NUP160: variants seen among roughly 807,000 people sequenced by gnomAD.
The protein encoded by NUP160 is nucleoporin 160.
In NUP160, 94 loss-of-function variants were observed where a neutral mutation model predicts 196.9. The observed-to-expected ratio is 0.48, with a 90% CI of 0.40 to 0.57. NUP160 has a LOEUF of 0.57. Ranked by LOEUF, NUP160 falls within the 20% of genes least tolerant of loss-of-function variation. The probability of loss-of-function intolerance (pLI) is 0.00; values close to 1 mark genes in which losing one functional copy is unlikely to be tolerated. For missense variants in NUP160, 1,638 were observed against 1,748.3 expected, an observed-to-expected ratio of 0.94 and a Z score of 1.13; for synonymous variants, 605 against 619.7, an observed-to-expected ratio of 0.98 and a Z score of 0.35.
intron 28 of NUP160, chr11:47,792,487 T>C: frequency 3.4e-6 from 1 of 290,012 alleles, no homozygotes; most frequent in Non-Finnish European, 6.4e-6. Context: ...AAAGTAGATA[T>C]TATCCGTATT....
intron 15 of NUP160, 28 bp from the exon 16 acceptor site, chr11:47,812,457 T>C: frequency 6.2e-7 from 1 of 1,601,014 alleles, no homozygotes; most frequent in Non-Finnish European, 8.5e-7. Context: ...AAACTCTTAT[T>C]ACTACCGAGA....
intron 11 of NUP160, among the ~76,000 whole-genome samples, chr11:47,816,341 A>T (rs2097684456): frequency 6.6e-6 from 1 of 152,256 alleles, no homozygotes; most frequent in African/African-American, 2.4e-5. Flanking sequence ...AGACAATTAA[A>T]GGCTGAATAA....
chr11:47,793,081 G>A (rs555295435), intron 27 of NUP160, 135 bp from the exon 28 acceptor site: 6 of 599,544 alleles, frequency 1.0e-5, no homozygotes, highest in Non-Finnish European at 1.4e-5. Flanking sequence ...CCGCCTCCCT[G>A]GTTCAAGCGA....
chr11:47,798,337 A>C, intron 24 of NUP160, 31 bp downstream of exon 24: 1 of 1,569,264 alleles, frequency 6.4e-7, no homozygotes, highest in Non-Finnish European at 8.8e-7. Context: ...CAAACCTTAA[A>C]GAAAACAACC....
intron 19 of NUP160, among the ~76,000 whole-genome samples, 162 bp downstream of exon 19, chr11:47,806,908 C>A (rs2097678092): frequency 6.6e-6 from 1 of 150,800 alleles, no homozygotes; most frequent in African/African-American, 2.4e-5. Flanking sequence ...TTTCACAGAC[C>A]CCATGCCACA....
chr11:47,796,209 A>G, intron 27 of NUP160: 2 of 464,974 alleles, frequency 4.3e-6, no homozygotes, highest in Non-Finnish European at 7.9e-6. Context: ...CAGGAAGGTG[A>G]GATCTTCCAC....
At chr11:47,822,262 T>A (rs1030847192) in intron 7 of NUP160, 98 bp from the exon 8 acceptor site, 243 of 341,144 alleles carry the variant, frequency 7.1e-4, no homozygotes, top group Non-Finnish European at 9.6e-4. Flanking sequence ...TAAAAAAAAA[T>A]TTTTTTTTTT....
At chr11:47,800,252 G>GAA (rs1231813653) in intron 23 of NUP160, among the ~76,000 whole-genome samples, 2 of 140,506 alleles carry the variant, frequency 1.4e-5, no homozygotes, top group Admixed American at 7.1e-5. Flanking sequence ...AAAAAAAAAG[G>GAA]AAAAAAAAAA....
intron 34 of NUP160, among the ~76,000 whole-genome samples, chr11:47,782,023 G>GT (rs1229362560): frequency 6.6e-6 from 1 of 151,970 alleles, no homozygotes; most frequent in Admixed American, 6.6e-5. Flanking sequence ...GCTCACATGG[G>GT]TAATCCCAGC....
At chr11:47,793,650 G>A (rs2097669134) in intron 27 of NUP160, among the ~76,000 whole-genome samples, 1 of 149,130 alleles carries the variant, frequency 6.7e-6, no homozygotes, top group African/African-American at 2.5e-5. Flanking sequence ...CAATCCAAGT[G>A]TCCATTGATG....
At chr11:47,803,451 C>T in exon 22 of NUP160, 1 of 1,601,252 alleles carries the variant, frequency 6.2e-7, no homozygotes, top group South Asian at 1.1e-5. Flanking sequence ...CTGTCCTTCT[C>T]CTGTAACTAG....
intron 7 of NUP160, among the ~76,000 whole-genome samples, chr11:47,826,703 A>C (rs1321249601): frequency 2.0e-5 from 3 of 151,874 alleles, no homozygotes; most frequent in Admixed American, 2.0e-4. Flanking sequence ...GCTGGGATTA[A>C]AGATGCCCGC....
chr11:47,808,366 A>C, intron 18 of NUP160, 30 bp downstream of exon 18: 1 of 1,583,230 alleles, frequency 6.3e-7, no homozygotes, highest in Non-Finnish European at 8.6e-7. Flanking sequence ...CACAATTTAC[A>C]TTTTAAATAA....
At chr11:47,818,941 C>T (rs1254293272) in intron 10 of NUP160, among the ~76,000 whole-genome samples, 6 of 152,110 alleles carry the variant, frequency 3.9e-5, no homozygotes, top group Admixed American at 3.9e-4. Flanking sequence ...AGATCCCAAG[C>T]CCATAATCTT....
chr11:47,803,004 G>A (rs2097675153), intron 22 of NUP160, among the ~76,000 whole-genome samples: 1 of 151,734 alleles, frequency 6.6e-6, no homozygotes, highest in African/African-American at 2.4e-5. Context: ...AATAAAATAA[G>A]TAAATAAGTT....
intron 20 of NUP160, among the ~76,000 whole-genome samples, chr11:47,805,119 T>C (rs1319152303): frequency 2.0e-5 from 3 of 151,950 alleles, no homozygotes; most frequent in East Asian, 3.8e-4. Context: ...TCAATAAATA[T>C]TTGTTGAATG....
exon 4 of NUP160, chr11:47,839,894 A>G (rs983284648): frequency 6.2e-7 from 1 of 1,614,182 alleles, no homozygotes. Flanking sequence ...CCAGAAGCAC[A>G]TGGTAAGGCA....
chr11:47,779,850 C>T (rs1298162454), intron 35 of NUP160, among the ~76,000 whole-genome samples: 1 of 152,162 alleles, frequency 6.6e-6, no homozygotes, highest in African/African-American at 2.4e-5. Context: ...GCCTCAGCCT[C>T]CCGAGTAGCT....
intron 1 of NUP160, 26 bp downstream of exon 1, chr11:47,848,193 C>G: frequency 6.2e-7 from 1 of 1,612,552 alleles, no homozygotes; most frequent in Non-Finnish European, 8.5e-7. Context: ...CAGATGGGAT[C>G]GCACCCTCCC....
Sources: allele counts gnomAD v4.1 joint callset (sites outside exome capture counted in the v4.1 genomes callset), GRCh38; gene constraint gnomAD v4.1.1; transcripts MANE v1.5; gene names NCBI Gene and HGNC (gene_info 2026-07-23, HGNC 2026-07-21).